RNF4: variants seen among roughly 807,000 people sequenced by gnomAD.
RNF4 encodes ring finger protein 4.
In RNF4, 7 loss-of-function variants were observed where a neutral mutation model predicts 24.3. The ratio of observed to expected loss-of-function variants is 0.29; its 90% CI spans 0.16 to 0.54. The LOEUF is 0.54. Among genes scored for constraint, RNF4 ranks in the 20% least tolerant of loss-of-function variants. RNF4 has a pLI of 0.95. For missense variants in RNF4, 209 were observed against 248.5 expected, an observed-to-expected ratio of 0.84 and a Z score of 1.07; for synonymous variants, 83 against 84.3, an observed-to-expected ratio of 0.98 and a Z score of 0.09.
rs540463807 is a variant in RNF4 at position 2,512,714 on chromosome 4, A to C, written c.374+117A>C. 84 of 1,194,894 alleles carry C rather than the reference A, an allele frequency of 7.0e-5. No individual in the cohort carries two copies. The East Asian group carries it at 1.9e-3, about 27-fold the overall frequency. The allele number at this position is 1,194,894 out of a possible 1,614,324, so 74.0% of individuals were successfully genotyped here. A position where few individuals can be genotyped will look rare whatever the true frequency, so the allele number is the denominator to read the frequency against. The stretch of plus-strand genomic sequence containing the variant: ...CCTGGAAGGGCTTGCCCAAGCCTCT[A>C]CCCAGCATCTGGATACAGTTGGAAC... On this transcript the variant is annotated intron_variant, in intron 6 of 7. Transcript: ENST00000314289. This position sits in a 1 kb window ranked among gnomAD's most constrained non-coding sequence, Gnocchi z 4.1.
rs116790538 is a variant in RNF4 at position 2,478,550 on chromosome 4, A to C, written c.-158+9292A>C. 8.3e-3 allele frequency among the ~76,000 whole-genome samples: 1,267 copies of C among 152,370 alleles called. 22 individuals carry two copies. Among genetic ancestry groups the C allele is most frequent in the African/African-American group, 0.028 (1,167 of 41,590 alleles). ...TGGTGCCCTGCGTTCCAGCCGTCTC[A>C]GCTGTGGCCAAAAGGGGCCAACATA... On this transcript the variant is annotated intron_variant, in intron 1 of 7. Coordinates refer to ENST00000314289, the MANE Select transcript of RNF4 (RefSeq NM_002938.5).
intron 4 of RNF4, among the ~76,000 whole-genome samples, chr4:2,501,368 G>T (rs1396560721): frequency 6.6e-6 from 1 of 152,306 alleles, no homozygotes; most frequent in East Asian, 1.9e-4. Context: ...CTCAGGGGAT[G>T]CAGGCTCCCT....
chr4:2,482,723 T>C (rs551427366), intron 1 of RNF4, among the ~76,000 whole-genome samples: 9 of 152,338 alleles, frequency 5.9e-5, no homozygotes, highest in Non-Finnish European at 1.2e-4. Context: ...CCTCATTGCC[T>C]CTCTGAGCAT....
chr4:2,496,063 T>C (rs369506254), intron 2 of RNF4, among the ~76,000 whole-genome samples: 2 of 152,210 alleles, frequency 1.3e-5, no homozygotes, highest in South Asian at 2.1e-4. Context: ...GAGTGTCAGT[T>C]GCTTATCAAC....
chr4:2,488,167 A>C (rs1333144496), intron 1 of RNF4, among the ~76,000 whole-genome samples: 1 of 152,150 alleles, frequency 6.6e-6, no homozygotes, highest in East Asian at 1.9e-4. Context: ...ATCCTTTCTT[A>C]AAGCTGGGTG....
intron 4 of RNF4, among the ~76,000 whole-genome samples, chr4:2,510,227 C>T (rs748516998): frequency 5.9e-5 from 9 of 152,164 alleles, no homozygotes; most frequent in Non-Finnish European, 1.0e-4. Context: ...AAACAAAATC[C>T]ACTCTAATTA....
chr4:2,479,018 G>A (rs1342397479), intron 1 of RNF4, among the ~76,000 whole-genome samples: 1 of 152,242 alleles, frequency 6.6e-6, no homozygotes, highest in Non-Finnish European at 1.5e-5. Context: ...AAGGCCATGG[G>A]AACTCACCTC....
intron 4 of RNF4, chr4:2,506,056 T>G (rs575550348): frequency 6.6e-6 from 1 of 152,074 alleles, no homozygotes; most frequent in East Asian, 1.9e-4. Flanking sequence ...TCAGCTTGAG[T>G]TTTCTGCAAG....
intron 1 of RNF4, among the ~76,000 whole-genome samples, chr4:2,473,469 TG>T (rs765496891): frequency 1.4e-4 from 21 of 151,780 alleles, no homozygotes; most frequent in Non-Finnish European, 2.5e-4. Context: ...TAGACTTCAA[TG>T]GAAAAAGTAA....
At position 2,477,836 on chromosome 4, in the gene RNF4, A is replaced by G. The variant is rs376792391; in HGVS notation, c.-158+8578A>G. On this transcript the variant is annotated intron_variant, in intron 1 of 7. Transcript: ENST00000314289. ...AGTAAGTTGGTACCAGTAGAGTGCG[A>G]TGCTGCTGAAAAGATACCTGAAAAT... is the stretch of plus-strand genomic sequence containing the variant. Among the ~76,000 whole-genome samples, 30 of 152,310 alleles carry G rather than the reference A, an allele frequency of 2.0e-4. 1 individual carries two copies. In the South Asian group the frequency reaches 6.2e-3, roughly 32 times the overall value.
intron 4 of RNF4, among the ~76,000 whole-genome samples, chr4:2,502,673 A>G (rs1402378170): frequency 2.1e-5 from 3 of 145,934 alleles, no homozygotes; most frequent in African/African-American, 7.5e-5. Context: ...CTCCATCTCA[A>G]AAAAAAAAAA....
intron 1 of RNF4, among the ~76,000 whole-genome samples, chr4:2,474,293 G>C (rs1374759303): frequency 6.6e-6 from 1 of 150,966 alleles, no homozygotes; most frequent in Non-Finnish European, 1.5e-5. Context: ...CAGGAGAATC[G>C]CTTGAACCCA....
intron 1 of RNF4, among the ~76,000 whole-genome samples, chr4:2,485,153 A>G (rs903797071): frequency 6.6e-6 from 1 of 152,064 alleles, no homozygotes; most frequent in African/African-American, 2.4e-5. Context: ...CTTGATCCTC[A>G]GCGCGTTTGG....
At chr4:2,480,659 ATAAGT>A (rs1347923744) in intron 1 of RNF4, 1 of 152,160 alleles carries the variant, frequency 6.6e-6, no homozygotes, top group African/African-American at 2.4e-5. Context: ...TAAGTATTTG[ATAAGT>A]TATGTTTCTT....
chr4:2,470,988 TG>T (rs1734888944), intron 1 of RNF4: 1 of 130,422 alleles, frequency 7.7e-6, no homozygotes, highest in Admixed American at 8.6e-5. Context: ...TTTTTTGAGG[TG>T]GAATCTCACT....
At chr4:2,510,198 T>C (rs1560414451) in intron 4 of RNF4, among the ~76,000 whole-genome samples, 1 of 152,236 alleles carries the variant, frequency 6.6e-6, no homozygotes. Context: ...CGTTTGTGTA[T>C]GTCAGGATGC....
rs1036742041 is a variant in RNF4, at chr4:2,487,374, C to T, written c.-157-2963C>T. 2.6e-5 allele frequency among the ~76,000 whole-genome samples: 4 copies of T among 152,316 alleles called. 1 individual carries two copies. Among genetic ancestry groups the T allele is most frequent in the East Asian group, 1.9e-4 (1 of 5,190 alleles). On this transcript the variant is annotated intron_variant, in intron 1 of 7. Coordinates refer to ENST00000314289, the MANE Select transcript of RNF4 (RefSeq NM_002938.5). ...CATCTTGGCTCATTGCAACCTCCGC[C>T]TCCCGGGTTCAAGTGATTCTTGTGC...
Position 2,497,056 on chromosome 4 carries a change from C to G in RNF4, c.59C>G (p.Thr20Ser). Reference sequence around the variant, plus strand: ...AATTCTAGACAAGCTCAGAAGCGAACTCGGGAAGCAACCTCCACCCCCGAG... The same window carrying G: ...AATTCTAGACAAGCTCAGAAGCGAAGTCGGGAAGCAACCTCCACCCCCGAG... ...AINSRQAQKRTREATSTPEIS... is the reference protein window; with the variant it reads ...AINSRQAQKRSREATSTPEIS... Residue 20 changes from threonine (T) to serine (S), a missense_variant, in exon 3 of 8, where the codon ACT (threonine) becomes AGT (serine). This residue lies in a region of RNF4 where 182 missense variants were observed against 197.2 expected (regional missense o/e 0.92). Transcript: ENST00000314289. 1 of 1,609,030 alleles carries G rather than the reference C, an allele frequency of 6.2e-7. No individual in the cohort carries two copies. Among genetic ancestry groups the G allele is most frequent in the South Asian group, 1.1e-5 (1 of 89,814 alleles).
At position 2,513,024 on chromosome 4, in the gene RNF4, A is replaced by G. The variant is rs1468000767; in HGVS notation, c.375-59A>G. On this transcript the variant is annotated intron_variant, in intron 6 of 7. Transcript: ENST00000314289. ...AGGGGATAGGGGCCACTCACGTGACAGGGTATAATAAAATGTTTGCGTTGA... is the reference window on the plus strand; with the variant it reads ...AGGGGATAGGGGCCACTCACGTGACGGGGTATAATAAAATGTTTGCGTTGA... The G allele has an allele frequency of 4.6e-6, 7 of 1,510,580 alleles. No individual in the cohort carries two copies. The East Asian group carries it at 9.0e-5, about 19-fold the overall frequency. The allele number at this position is 1,510,580 out of a possible 1,614,324, so 93.6% of individuals were successfully genotyped here. A position where few individuals can be genotyped will look rare whatever the true frequency, so the allele number is the denominator to read the frequency against.
Sources: gnomAD v4.1 joint callset for allele counts (sites outside exome capture counted in the v4.1 genomes callset) on GRCh38, gnomAD v4.1.1 for gene constraint, gnomAD v4.1.1 regional missense constraint, Gnocchi (gnomAD v3.1) non-coding constraint, MANE v1.5 for transcripts, NCBI Gene and HGNC (gene_info 2026-07-23, HGNC 2026-07-21) for gene names.